CBL: variants seen among roughly 807,000 people sequenced by gnomAD.
CBL encodes the protein Cbl proto-oncogene.
CBL carries 45 observed loss-of-function variants against 96.9 expected under a neutral mutation model. The ratio of observed to expected loss-of-function variants is 0.46; its 90% CI spans 0.37 to 0.60. The LOEUF (loss-of-function observed/expected upper bound fraction) is 0.60. Ranked by LOEUF, CBL falls within the 20% of genes least tolerant of loss-of-function variation. The pLI, the probability that CBL is intolerant of heterozygous loss-of-function variation, is 0.00. For synonymous variants in CBL, 420 were observed against 426.8 expected, an observed-to-expected ratio of 0.98 and a Z score of 0.20; for missense variants, 1,024 against 1,143.5, an observed-to-expected ratio of 0.90 and a Z score of 1.51.
At chr11:119,238,881 G>A (rs938022155) in intron 2 of CBL, among the ~76,000 whole-genome samples, 57 of 152,110 alleles carry the variant, frequency 3.7e-4, no homozygotes, top group African/African-American at 1.3e-3. Flanking sequence ...TAGATCTGCC[G>A]ATCATTTTGG....
chr11:119,233,104 C>T (rs1010266518), intron 2 of CBL, among the ~76,000 whole-genome samples: 3 of 152,000 alleles, frequency 2.0e-5, no homozygotes, highest in Admixed American at 2.0e-4. Flanking sequence ...GGGGAAAAAG[C>T]CACTAGTTTA....
chr11:119,280,017 GA>G (rs1453252318), intron 9 of CBL, among the ~76,000 whole-genome samples: 1 of 152,214 alleles, frequency 6.6e-6, no homozygotes, highest in Non-Finnish European at 1.5e-5. Flanking sequence ...CTATAAGTCG[GA>G]TAGGAGTTTA....
At chr11:119,281,219 TCTC>T (rs1163553702) in intron 9 of CBL, among the ~76,000 whole-genome samples, 2 of 152,222 alleles carry the variant, frequency 1.3e-5, no homozygotes, top group African/African-American at 2.4e-5. Context: ...CTTCATTGCC[TCTC>T]CTCTGTTGGA....
At chr11:119,236,778 T>A (rs1949550176) in intron 2 of CBL, among the ~76,000 whole-genome samples, 1 of 152,092 alleles carries the variant, frequency 6.6e-6, no homozygotes, top group Admixed American at 6.6e-5. Context: ...TGACTTTTTT[T>A]ATTACAGCTA....
intron 1 of CBL, among the ~76,000 whole-genome samples, chr11:119,228,708 A>T (rs939200750): frequency 8.0e-5 from 12 of 150,810 alleles, no homozygotes; most frequent in Non-Finnish European, 1.6e-4. Context: ...GCAGCCTCAG[A>T]CTCTTGGACT....
chr11:119,234,179 G>T (rs1213833377), intron 2 of CBL, among the ~76,000 whole-genome samples: 1 of 152,064 alleles, frequency 6.6e-6, no homozygotes, highest in Non-Finnish European at 1.5e-5. Context: ...GCTAATTTTT[G>T]TATTTTTAGT....
Position 119,278,205 on chromosome 11 carries a change from C to A in CBL, c.1135C>A (p.Gln379Lys), listed in dbSNP as rs2135303660. The change falls in exon 8 of 16, where the codon CAA becomes AAA. Residue 379 changes from glutamine (Q) to lysine (K), a missense_variant. This residue lies in a region of CBL where 695 missense variants were observed against 661.6 expected (regional missense o/e 1.05). Coordinates refer to ENST00000264033, the MANE Select transcript of CBL (RefSeq NM_005188.4). ...ATACTGTGAGATGGGCTCCACATTC[C>A]AACTATGTAAAATATGTGCTGAAAA... is the stretch of plus-strand genomic sequence containing the variant. ...ELYCEMGSTF[Q>K]LCKICAENDK... The A allele has an allele frequency of 6.2e-7, 1 of 1,611,000 alleles. No individual in the cohort carries two copies. Among genetic ancestry groups the A allele is most frequent in the Non-Finnish European group, 8.5e-7 (1 of 1,177,324 alleles).
intron 9 of CBL, among the ~76,000 whole-genome samples, chr11:119,283,544 A>G (rs1013119025): frequency 2.0e-5 from 3 of 149,564 alleles, no homozygotes; most frequent in East Asian, 2.0e-4. Context: ...AAAAGGTTAT[A>G]TATGTGTTCT....
At chr11:119,219,376 CAAA>C (rs112712991) in intron 1 of CBL, among the ~76,000 whole-genome samples, 1 of 124,240 alleles carries the variant, frequency 8.0e-6, no homozygotes, top group African/African-American at 3.1e-5. Context: ...GACTCTGTCT[CAAA>C]AAAAAAAAAA....
rs931972499 is a variant in CBL at position 119,298,650 on chromosome 11, A to C, written c.2434+110A>C. On this transcript the variant is annotated intron_variant, in intron 15 of 15. Transcript: ENST00000264033. The stretch of plus-strand genomic sequence containing the variant: ...TGACAGTAAGTCAGTATGTAGGCTA[A>C]ACATTATGTCTAAATGGGAGGAAAG... The C allele has an allele frequency of 2.3e-4, 218 of 953,078 alleles. No individual in the cohort carries two copies. In the East Asian group the frequency reaches 5.2e-3, roughly 23 times the overall value. 59.0% of individuals were successfully genotyped at this position (953,078 alleles called of 1,614,324 possible). A position where few individuals can be genotyped will look rare whatever the true frequency, so the allele number is the denominator to read the frequency against.
At chr11:119,254,649 T>C (rs965275358) in intron 2 of CBL, among the ~76,000 whole-genome samples, 1 of 152,112 alleles carries the variant, frequency 6.6e-6, no homozygotes, top group Non-Finnish European at 1.5e-5. Flanking sequence ...TCGCCCAGGC[T>C]GGAATGCAGT....
In CBL at chr11:119,298,409, A is replaced by G; in HGVS notation, c.2303A>G (p.Glu768Gly). ...GCCAACACTGGTCCCGAGGAGTCAG[A>G]AAATGAGGATGATGGGTATGATGTC... ...AHANTGPEES[E>G]NEDDGYDVPK... The change falls in exon 15 of 16, where the codon GAA becomes GGA. Residue 768 changes from glutamate to glycine, a missense_variant. This residue lies in a region of CBL where 695 missense variants were observed against 661.6 expected (regional missense o/e 1.05). Coordinates refer to ENST00000264033, the MANE Select transcript of CBL (RefSeq NM_005188.4). The G allele has an allele frequency of 6.2e-7, 1 of 1,614,214 alleles. No individual in the cohort carries two copies.
At chr11:119,280,781 T>G (rs1015580593) in intron 9 of CBL, among the ~76,000 whole-genome samples, 30 of 152,116 alleles carry the variant, frequency 2.0e-4, no homozygotes, top group African/African-American at 7.0e-4. Flanking sequence ...TCTCTTCACC[T>G]CAGATGTTGT....
rs946817829 is a variant in CBL at position 119,278,262 on chromosome 11, C to A, written c.1192C>A (p.His398Asn). 6.2e-7 allele frequency: 1 copy of A among 1,613,802 alleles called. No individual in the cohort carries two copies. Among genetic ancestry groups the A allele is most frequent in the African/African-American group, 1.3e-5 (1 of 75,002 alleles). Residue 398 changes from histidine (H) to asparagine (N), a missense_variant, in exon 8 of 16, where the codon CAC (histidine) becomes AAC (asparagine). Coordinates refer to ENST00000264033, the MANE Select transcript of CBL (RefSeq NM_005188.4). ...GGATGTAAAGATTGAGCCCTGTGGACACCTCATGTGCACATCCTGTCTTAC... is the reference window on the plus strand; with the variant it reads ...GGATGTAAAGATTGAGCCCTGTGGAAACCTCATGTGCACATCCTGTCTTAC... ...DKDVKIEPCG[H>N]LMCTSCLTSW... is the part of the protein sequence containing the mutation.
intron 2 of CBL, among the ~76,000 whole-genome samples, chr11:119,269,761 C>T (rs529911949): frequency 2.0e-5 from 3 of 152,078 alleles, no homozygotes; most frequent in East Asian, 3.9e-4. Flanking sequence ...TTTGGGAGGC[C>T]GAGGCAGGCA....
At chr11:119,238,243 T>TA (rs1295361263) in intron 2 of CBL, among the ~76,000 whole-genome samples, 1 of 150,066 alleles carries the variant, frequency 6.7e-6, no homozygotes, top group East Asian at 2.0e-4. Context: ...TTTTAATAGA[T>TA]AGAGTCTTGC....
At chr11:119,225,842 C>T (rs1350986232) in intron 1 of CBL, among the ~76,000 whole-genome samples, 1 of 149,080 alleles carries the variant, frequency 6.7e-6, no homozygotes, top group Non-Finnish European at 1.5e-5. Flanking sequence ...ATTCTTCTGC[C>T]TCAGCCTCCC....
In CBL at chr11:119,307,869, A is replaced by G. The variant is rs1414367100; in HGVS notation, c.*8088A>G. 4.9e-6 allele frequency: 1 copy of G among 202,642 alleles called. No homozygotes were observed. The highest frequency in any genetic ancestry group is 6.0e-5 in the Admixed American group (1 of 16,714). The allele number at this position is 202,642 out of a possible 1,614,324, so 12.6% of individuals were successfully genotyped here. A position where few individuals can be genotyped will look rare whatever the true frequency, so the allele number is the denominator to read the frequency against. On this transcript the variant is annotated 3_prime_UTR_variant, in exon 16 of 16. Transcript: ENST00000264033. ...ACTATTTTAAAAATGTGTCATTAAT[A>G]TAAAAAATTTATATTAGCAGTATTT... is the stretch of plus-strand genomic sequence containing the variant.
intron 1 of CBL, among the ~76,000 whole-genome samples, chr11:119,231,105 TAAAACTC>T (rs1949498699): frequency 6.6e-6 from 1 of 152,102 alleles, no homozygotes; most frequent in Non-Finnish European, 1.5e-5. Context: ...AAGCGGTTGT[TAAAACTC>T]AAACCCCAGG....
Sources: allele counts gnomAD v4.1 joint callset (sites outside exome capture counted in the v4.1 genomes callset), GRCh38; gene constraint gnomAD v4.1.1; regional missense constraint gnomAD v4.1.1; transcripts MANE v1.5; gene names NCBI Gene and HGNC (gene_info 2026-07-23, HGNC 2026-07-21).